EPHA10: variants seen among roughly 807,000 people sequenced by gnomAD.
EPHA10 encodes the protein ephrin type-A receptor 10.
EPHA10 carries 120 observed loss-of-function variants against 109.7 expected under a neutral mutation model. That is an observed-to-expected ratio of 1.09 (90% confidence interval 0.94 to 1.27). The LOEUF (loss-of-function observed/expected upper bound fraction) is 1.27, where lower values mean the gene tolerates loss of function less well. EPHA10 is among the 50% of genes most tolerant of loss of function. The pLI is 0.00. For synonymous variants in EPHA10, 640 were observed against 618.9 expected, an observed-to-expected ratio of 1.03 and a Z score of -0.51; for missense variants, 1,396 against 1,411.1, an observed-to-expected ratio of 0.99 and a Z score of 0.17.
In EPHA10 at chr1:37,735,347, G is replaced by A. The variant is rs1157912562; in HGVS notation, c.1401C>T (p.Pro467=). The change falls in exon 6 of 17, where the codon CCC becomes CCT. Residue 467 remains proline, a synonymous_variant. Transcript: ENST00000373048. Reference sequence around the variant, plus strand: ...CCCGCCACGACAGGGACACGCTCTGGGGTTCCACTCGGTCCCTGCGGATCT... The same window carrying A: ...CCCGCCACGACAGGGACACGCTCTGAGGTTCCACTCGGTCCCTGCGGATCT... ...EDEIRRDRVE[P]QSVSLSWREP... is the part of the protein sequence containing the mutation. The A allele has an allele frequency of 6.3e-7, 1 of 1,577,492 alleles. No individual in the cohort carries two copies. Among genetic ancestry groups the A allele is most frequent in the Non-Finnish European group, 8.6e-7 (1 of 1,161,584 alleles).
In EPHA10 at chr1:37,764,855, A is replaced by G. The variant is rs1212834628; in HGVS notation, c.106+106T>C. The G allele has an allele frequency of 5.0e-6, 5 of 1,003,706 alleles. No individual in the cohort carries two copies. The highest frequency in any genetic ancestry group is 4.9e-5 in the Admixed American group (2 of 41,182). The allele number at this position is 1,003,706 out of a possible 1,614,324, so 62.2% of individuals were successfully genotyped here. On this transcript the variant is annotated intron_variant, in intron 1 of 16. Coordinates refer to ENST00000373048, the MANE Select transcript of EPHA10 (RefSeq NM_001099439.2). This position sits in a 1 kb window ranked among gnomAD's most constrained non-coding sequence, Gnocchi z 5.8. Reference sequence around the variant, plus strand: ...TGCTGCCTGCTTGCTTCAAGCCCCAATACAGACTCTAGTCTCTCCAATGAC... The same window carrying G: ...TGCTGCCTGCTTGCTTCAAGCCCCAGTACAGACTCTAGTCTCTCCAATGAC...
At chr1:37,755,982 G>A (rs1646390032) in intron 3 of EPHA10, among the ~76,000 whole-genome samples, 1 of 152,166 alleles carries the variant, frequency 6.6e-6, no homozygotes, top group African/African-American at 2.4e-5. Flanking sequence ...GCAGAAGAGG[G>A]GAGGGGACTA....
chr1:37,753,304 C>T (rs1158672188), intron 4 of EPHA10, 78 bp from the exon 5 acceptor site: 7 of 104,516 alleles, frequency 6.7e-5, no homozygotes, highest in African/African-American at 2.5e-4. Context: ...GAGGGGGGGG[C>T]GGGGTCTTGT....
At chr1:37,746,014 C>T (rs559935641) in intron 5 of EPHA10, among the ~76,000 whole-genome samples, 1 of 152,182 alleles carries the variant, frequency 6.6e-6, no homozygotes, top group Admixed American at 6.5e-5. Context: ...AGCCACCTTC[C>T]CACTGTATTC....
chr1:37,739,666 T>C (rs1240004243), intron 5 of EPHA10, among the ~76,000 whole-genome samples: 2 of 134,380 alleles, frequency 1.5e-5, no homozygotes, highest in East Asian at 4.3e-4. Flanking sequence ...TCTAGCCTGG[T>C]TGATAGAGTG....
rs1482482805 is a variant in EPHA10 at position 37,719,551 on chromosome 1, G to T, written c.2619C>A (p.Asn873Lys). 1.9e-6 allele frequency: 3 copies of T among 1,613,966 alleles called. No individual in the cohort carries two copies. The highest frequency in any genetic ancestry group is 2.5e-6 in the Non-Finnish European group (3 of 1,180,022). ...FRLPPPRNCP[N>K]LLHRLMLDCW... ...AGTCGAGCATTAGTCGGTGCAGAAG[G>T]TTAGGACAGTTCCTGGGGGGTGGCA... Residue 873 changes from asparagine (N) to lysine (K), a missense_variant, in exon 15 of 17, where the codon AAC (asparagine) becomes AAA (lysine). Transcript: ENST00000373048.
Position 37,720,447 on chromosome 1 carries a change from TG to T in EPHA10, c.2315del (p.Ala772GlufsTer33), listed in dbSNP as rs1390906350. On this transcript the variant is annotated frameshift_variant, in exon 13 of 17. Coordinates refer to ENST00000373048, the MANE Select transcript of EPHA10 (RefSeq NM_001099439.2). LOFTEE classifies it high-confidence loss of function. ...CGCTGCTGACCAGCACATGGCGAGC[TG>T]CCAGGCCCCGGTGAACGTAGCCCAT... ...SEMGYVHRGL[A>X]ARHVLVSSDL... is the part of the protein sequence containing the mutation. 7 of 1,613,526 alleles carry T rather than the reference TG, an allele frequency of 4.3e-6. No individual in the cohort carries two copies. The highest frequency in any genetic ancestry group is 5.9e-6 in the Non-Finnish European group (7 of 1,180,032).
At chr1:37,715,930 C>T (rs1645684894), downstream of EPHA10, 5 of 572,638 alleles carry the variant, frequency 8.7e-6, no homozygotes, top group Non-Finnish European at 1.7e-5. Flanking sequence ...CCCTTCCACA[C>T]CAGCTATACA....
At position 37,761,584 on chromosome 1, in the gene EPHA10, G is replaced by T. The variant is rs373392803; in HGVS notation, c.671C>A (p.Thr224Asn). 7.3e-5 allele frequency: 116 copies of T among 1,599,390 alleles called. 1 individual carries two copies. Among genetic ancestry groups the T allele is most frequent in the Non-Finnish European group, 9.4e-5 (111 of 1,177,226 alleles). ...TGTGGAGAAGGCGCTCTCGGCTGCG[G>T]TGGCTGGGAACGTGGCCAGGCCCCG... Reference protein sequence around the residue: ...TVRGLATFPATAAESAFSTLV... With the variant: ...TVRGLATFPANAAESAFSTLV... The change falls in exon 3 of 17, where the codon ACC becomes AAC. Residue 224 changes from threonine (T) to asparagine (N), a missense_variant. Thr to Asn is a moderately conservative substitution (Grantham distance 65). Coordinates refer to ENST00000373048, the MANE Select transcript of EPHA10 (RefSeq NM_001099439.2).
intron 5 of EPHA10, among the ~76,000 whole-genome samples, chr1:37,742,584 G>T (rs1236064516): frequency 1.5e-5 from 1 of 68,488 alleles, no homozygotes; most frequent in Admixed American, 1.8e-4. Flanking sequence ...GAGAATGGCA[G>T]AGTGGACAGA....
intron 7 of EPHA10, among the ~76,000 whole-genome samples, chr1:37,728,925 C>G (rs141994568): frequency 6.6e-6 from 1 of 152,266 alleles, no homozygotes; most frequent in African/African-American, 2.4e-5. Flanking sequence ...CAGCAGTGGG[C>G]AGTCTCTGAG....
Position 37,717,311 on chromosome 1 carries a change from C to T in EPHA10, c.*1061G>A, listed in dbSNP as rs993570928. 12 of 232,530 alleles carry T rather than the reference C, an allele frequency of 5.2e-5. No homozygotes were observed. The highest frequency in any genetic ancestry group is 3.6e-4 in the South Asian group (2 of 5,514). 14.4% of individuals were successfully genotyped at this position (232,530 alleles called of 1,614,324 possible). ...GGCACGGAGCTGGCTGGAGGGGAGT[C>T]GCCTCTAGAGTCCCCAAGGGCTGTA... On this transcript the variant is annotated 3_prime_UTR_variant, in exon 17 of 17. Coordinates refer to ENST00000373048, the MANE Select transcript of EPHA10 (RefSeq NM_001099439.2).
At chr1:37,758,258 C>CAT (rs1032354477) in intron 3 of EPHA10, among the ~76,000 whole-genome samples, 7 of 152,216 alleles carry the variant, frequency 4.6e-5, no homozygotes, top group African/African-American at 1.7e-4. Context: ...GGATCCCCCC[C>CAT]ATATACACAC....
chr1:37,732,571 T>C (rs531730737), intron 6 of EPHA10, among the ~76,000 whole-genome samples: 135 of 152,088 alleles, frequency 8.9e-4, no homozygotes, highest in Non-Finnish European at 1.7e-3. Context: ...CAACAATCCA[T>C]TGAAAGACAG....
rs1645694413 is a variant in EPHA10 at position 37,716,567 on chromosome 1, G to T, written c.*1805C>A. On this transcript the variant is annotated 3_prime_UTR_variant, in exon 17 of 17. Coordinates refer to ENST00000373048, the MANE Select transcript of EPHA10 (RefSeq NM_001099439.2). ...AGACAGGGAGGCAGGGGGCTGGGGGGAGATTCCAAGAGCAGGGGAGCTGCT... is the reference window on the plus strand; with the variant it reads ...AGACAGGGAGGCAGGGGGCTGGGGGTAGATTCCAAGAGCAGGGGAGCTGCT... The T allele has an allele frequency of 1.3e-5, 3 of 231,056 alleles. No individual in the cohort carries two copies. In the East Asian group the frequency reaches 1.8e-4, roughly 14 times the overall value. The allele number at this position is 231,056 out of a possible 1,614,324, so 14.3% of individuals were successfully genotyped here.
intron 6 of EPHA10, chr1:37,734,507 C>T (rs1012797697): frequency 2.5e-6 from 1 of 404,330 alleles, no homozygotes; most frequent in Non-Finnish European, 4.8e-6. Flanking sequence ...GCACTCCAGC[C>T]TGGGTGACAA....
At chr1:37,760,850 T>G (rs946330360) in intron 3 of EPHA10, 1 of 182,296 alleles carries the variant, frequency 5.5e-6, no homozygotes, top group African/African-American at 2.4e-5. Context: ...CTGGAAGGCC[T>G]AGGTAGGTGG....
rs748118594 is a variant in EPHA10, at chr1:37,723,130, T to TG, written c.1870dup (p.Gln624ProfsTer79). 3.1e-6 allele frequency: 5 copies of TG among 1,614,012 alleles called. No homozygotes were observed. Among genetic ancestry groups the TG allele is most frequent in the Non-Finnish European group, 4.2e-6 (5 of 1,180,006 alleles). The stretch of plus-strand genomic sequence containing the variant: ...AGCCTGCAGCAGGTCCCCACAGCTC[T>TG]GGGGGTCCAGGAATGTGCGACGTGT... On this transcript the variant is annotated frameshift_variant, in exon 10 of 17. Coordinates refer to ENST00000373048, the MANE Select transcript of EPHA10 (RefSeq NM_001099439.2). LOFTEE classifies it high-confidence loss of function.
chr1:37,758,240 C>T (rs141029446), intron 3 of EPHA10, among the ~76,000 whole-genome samples: 9 of 152,310 alleles, frequency 5.9e-5, no homozygotes, highest in Non-Finnish European at 2.9e-5. Context: ...CTCCTGGGAC[C>T]GGGATGGGGA....
Sources: gnomAD v4.1 joint callset for allele counts (sites outside exome capture counted in the v4.1 genomes callset) on GRCh38, gnomAD v4.1.1 for gene constraint, Gnocchi (gnomAD v3.1) non-coding constraint, MANE v1.5 for transcripts, NCBI Gene and HGNC (gene_info 2026-07-23, HGNC 2026-07-21) for gene names.